Variants in STOX1 observed in about 807,000 individuals in gnomAD.
STOX1 encodes storkhead box 1.
In STOX1, 57 loss-of-function variants were observed where a neutral mutation model predicts 74.8. That is an observed-to-expected ratio of 0.76 (90% CI 0.62 to 0.95). The LOEUF (loss-of-function observed/expected upper bound fraction) is 0.95. Among genes scored for constraint, STOX1 ranks in the 40% least tolerant of loss-of-function variants. STOX1 has a pLI of 0.00. For missense variants in STOX1, 1,010 were observed against 1,117.0 expected, an observed-to-expected ratio of 0.90 and a Z score of 1.37; for synonymous variants, 375 against 401.3, an observed-to-expected ratio of 0.93 and a Z score of 0.78.
chr10:68,856,730 A>G (rs1840135089), intron 1 of STOX1, among the ~76,000 whole-genome samples: 1 of 152,046 alleles, frequency 6.6e-6, no homozygotes, highest in Non-Finnish European at 1.5e-5. Flanking sequence ...TGGCTGAGGG[A>G]GCCTCAAGAA....
At chr10:68,863,916 G>T (rs953877865) in intron 1 of STOX1, among the ~76,000 whole-genome samples, 7 of 140,676 alleles carry the variant, frequency 5.0e-5, no homozygotes, top group African/African-American at 5.9e-5. Flanking sequence ...TACAAGTTCT[G>T]CTTGTTTTTT....
At chr10:68,888,671 G>A (rs1246921563) in intron 3 of STOX1, among the ~76,000 whole-genome samples, 1 of 119,836 alleles carries the variant, frequency 8.3e-6, no homozygotes, top group African/African-American at 3.4e-5. Context: ...GATTGACTCT[G>A]TCACCCAGGC....
Position 68,854,546 on chromosome 10 carries a change from C to G in STOX1, c.310+26613C>G, listed in dbSNP as rs368467461. ...CTCCTGAACTCAAGGAATCTGCCCA[C>G]CTTGGCCTCTTAAAGTGCTGGGGTT... On this transcript the variant is annotated intron_variant, in intron 1 of 3. Transcript: ENST00000298596. Among the ~76,000 whole-genome samples, 19 of 152,158 alleles carry G rather than the reference C, an allele frequency of 1.2e-4. No individual in the cohort carries two copies. The East Asian group carries it at 3.1e-3, about 25-fold the overall frequency.
At chr10:68,858,182 C>G (rs942670036) in intron 1 of STOX1, among the ~76,000 whole-genome samples, 1 of 152,042 alleles carries the variant, frequency 6.6e-6, no homozygotes, top group Non-Finnish European at 1.5e-5. Context: ...TCCAGGATGC[C>G]ATGGGTCAAT....
At chr10:68,848,829 T>C (rs540745753) in intron 1 of STOX1, among the ~76,000 whole-genome samples, 2 of 152,268 alleles carry the variant, frequency 1.3e-5, no homozygotes, top group East Asian at 3.9e-4. Context: ...CATGCCTGGC[T>C]AATTTTTTAA....
chr10:68,831,809 T>C (rs1221412517), intron 1 of STOX1, among the ~76,000 whole-genome samples: 1 of 152,180 alleles, frequency 6.6e-6, no homozygotes, highest in East Asian at 1.9e-4. Context: ...GTAAGGAAAG[T>C]AGTTCCCAGG....
At chr10:68,862,814 A>C (rs192645406) in intron 1 of STOX1, among the ~76,000 whole-genome samples, 3 of 152,116 alleles carry the variant, frequency 2.0e-5, no homozygotes, top group African/African-American at 4.8e-5. Flanking sequence ...ATCGTTGTGC[A>C]GCACCTCTGC....
rs1216086661 is a variant in STOX1, at chr10:68,827,774, GCGCGGCTGGCGCGCGCCGCCT to G, written c.162_182del (p.Arg55_Ala61del). 6.5e-5 allele frequency: 42 copies of G among 648,420 alleles called. No individual in the cohort carries two copies. In the South Asian group the frequency reaches 6.8e-4, roughly 11 times the overall value. The allele number at this position is 648,420 out of a possible 1,614,324, so 40.2% of individuals were successfully genotyped here. A position where few individuals can be genotyped will look rare whatever the true frequency, so the allele number is the denominator to read the frequency against. ...CGCCAACGCGCGCTGCTTCTGGAAC[GCGCGGCTGGCGCGCGCCGCCT>G]CGCGGCTGGCCTTCCAGGGCTGGCT... On this transcript the variant is annotated inframe_deletion, in exon 1 of 4. Transcript: ENST00000298596.
At chr10:68,844,137 G>A (rs1047803815) in intron 1 of STOX1, among the ~76,000 whole-genome samples, 5 of 151,014 alleles carry the variant, frequency 3.3e-5, no homozygotes, top group African/African-American at 7.3e-5. Flanking sequence ...TCGAGATCGC[G>A]CCACTGCACT....
At chr10:68,860,870 G>A (rs1840250136) in intron 1 of STOX1, among the ~76,000 whole-genome samples, 1 of 152,030 alleles carries the variant, frequency 6.6e-6, no homozygotes, top group Admixed American at 6.5e-5. Flanking sequence ...AGAAGGTCAT[G>A]GGGACTGATG....
chr10:68,889,138 A>G (rs1197889060), intron 3 of STOX1, among the ~76,000 whole-genome samples: 1 of 151,256 alleles, frequency 6.6e-6, no homozygotes, highest in Non-Finnish European at 1.5e-5. Flanking sequence ...ATGCTACTAT[A>G]CCCAGCTAAT....
At chr10:68,870,093 T>C (rs1411969239) in intron 1 of STOX1, among the ~76,000 whole-genome samples, 1 of 152,224 alleles carries the variant, frequency 6.6e-6, no homozygotes, top group Non-Finnish European at 1.5e-5. Context: ...TAGGGAAACT[T>C]TAATTTTTTA....
chr10:68,831,141 A>G (rs1181002697), intron 1 of STOX1, among the ~76,000 whole-genome samples: 1 of 152,204 alleles, frequency 6.6e-6, no homozygotes, highest in Non-Finnish European at 1.5e-5. Context: ...ATGCTAGAAA[A>G]GGACAAAAAG....
At chr10:68,833,119 T>C (rs182047008) in intron 1 of STOX1, among the ~76,000 whole-genome samples, 146 of 132,954 alleles carry the variant, frequency 1.1e-3, no homozygotes, top group African/African-American at 4.2e-3. Context: ...AGAGTCTCAC[T>C]CTGTCGCCCA....
chr10:68,845,632 G>A (rs1368085342), intron 1 of STOX1, among the ~76,000 whole-genome samples: 2 of 137,198 alleles, frequency 1.5e-5, no homozygotes, highest in South Asian at 2.4e-4. Context: ...ATGGATTTTC[G>A]CTCTTGTTGC....
chr10:68,851,419 G>A (rs1839981076), intron 1 of STOX1, among the ~76,000 whole-genome samples: 1 of 151,914 alleles, frequency 6.6e-6, no homozygotes, highest in Non-Finnish European at 1.5e-5. Flanking sequence ...ATCCAATTGT[G>A]GTAGTAAAAA....
intron 1 of STOX1, among the ~76,000 whole-genome samples, chr10:68,833,031 A>G (rs1839450068): frequency 1.3e-5 from 2 of 150,964 alleles, no homozygotes; most frequent in Admixed American, 1.3e-4. Flanking sequence ...CTGCCTCTCA[A>G]AGTGCTGGGA....
chr10:68,833,997 C>T (rs1242613767), intron 1 of STOX1, among the ~76,000 whole-genome samples: 3 of 152,288 alleles, frequency 2.0e-5, no homozygotes, highest in African/African-American at 7.2e-5. Context: ...CTGGTTCACA[C>T]AATCTTCTCC....
chr10:68,876,858 T>C (rs1840693400), intron 1 of STOX1, among the ~76,000 whole-genome samples: 1 of 152,198 alleles, frequency 6.6e-6, no homozygotes, highest in Non-Finnish European at 1.5e-5. Context: ...GTTACATCTA[T>C]AAGTGGGATC....
Sources: gnomAD v4.1 joint callset for allele counts (sites outside exome capture counted in the v4.1 genomes callset) on GRCh38, gnomAD v4.1.1 for gene constraint, MANE v1.5 for transcripts, NCBI Gene and HGNC (gene_info 2026-07-23, HGNC 2026-07-21) for gene names.